LYSMD1: variants seen among roughly 807,000 people sequenced by gnomAD.
LYSMD1 encodes the protein LysM domain containing 1.
In LYSMD1, 9 loss-of-function variants were observed where a neutral mutation model predicts 19.3. The ratio of observed to expected loss-of-function variants is 0.47; its 90% CI spans 0.28 to 0.81. The LOEUF is 0.81. Among genes scored for constraint, LYSMD1 ranks in the 40% least tolerant of loss-of-function variants. The probability of loss-of-function intolerance (pLI) is 0.11; values close to 1 mark genes in which losing one functional copy is unlikely to be tolerated. For synonymous variants in LYSMD1, 111 were observed against 111.7 expected (o/e 0.99, Z 0.04); for missense variants, 262 against 279.8 (o/e 0.94, Z 0.45).
chr1:151,164,900 C>T lies in LYSMD1; in HGVS notation c.180+179G>A, dbSNP rs1158661097. On this transcript the variant is annotated intron_variant, in intron 1 of 2. Coordinates refer to ENST00000368908, the MANE Select transcript of LYSMD1 (RefSeq NM_212551.5). The stretch of plus-strand genomic sequence containing the variant: ...TAATAAAATAGGAGCTGTTCCTCTC[C>T]GTTGGAATAGTAGGGCAGGACTTGT... Among the ~76,000 whole-genome samples, 3 of 152,172 alleles carry T rather than the reference C, an allele frequency of 2.0e-5. No individual in the cohort carries two copies. In the South Asian group the frequency reaches 6.2e-4, roughly 31 times the overall value.
In LYSMD1 at chr1:151,160,724, C is replaced by T; in HGVS notation, c.*158G>A. 1 of 858,460 alleles carries T rather than the reference C, an allele frequency of 1.2e-6. No individual in the cohort carries two copies. Among genetic ancestry groups the T allele is most frequent in the Non-Finnish European group, 1.7e-6 (1 of 571,712 alleles). The allele number at this position is 858,460 out of a possible 1,614,324, so 53.2% of individuals were successfully genotyped here. A position where few individuals can be genotyped will look rare whatever the true frequency, so the allele number is the denominator to read the frequency against. ...CCTAATCTTGCCAATAAAACTGCCCCAGGCCAAGGAATTTTTGGCAGACAA... is the reference window on the plus strand; with the variant it reads ...CCTAATCTTGCCAATAAAACTGCCCTAGGCCAAGGAATTTTTGGCAGACAA... On this transcript the variant is annotated 3_prime_UTR_variant, in exon 3 of 3. Transcript: ENST00000368908.
rs1314929491 is a variant in LYSMD1 at position 151,160,809 on chromosome 1, C to A, written c.*73G>T. The A allele has an allele frequency of 6.5e-7, 1 of 1,535,852 alleles. No individual in the cohort carries two copies. The highest frequency in any genetic ancestry group is 8.9e-7 in the Non-Finnish European group (1 of 1,122,494). On this transcript the variant is annotated 3_prime_UTR_variant, in exon 3 of 3. Coordinates refer to ENST00000368908, the MANE Select transcript of LYSMD1 (RefSeq NM_212551.5). ...CAGGCTCATAAGCCATGTTCTTGAG[C>A]CTCACCTCAGGCTCCTCTCCCCCTG... is the stretch of plus-strand genomic sequence containing the variant.
intron 2 of LYSMD1, 90 bp downstream of exon 2, chr1:151,161,646 T>C: frequency 6.6e-7 from 1 of 1,510,174 alleles, no homozygotes. Context: ...CTGTTGGCAC[T>C]GTCCTTACTT....
the LYSMD1 span, among the ~76,000 whole-genome samples, chr1:151,152,172 C>T: frequency 6.6e-6 from 1 of 151,350 alleles, no homozygotes; most frequent in Non-Finnish European, 1.5e-5. Flanking sequence ...CCAAGGCAGG[C>T]GAATCATGAG....
chr1:151,165,779 G>C lies in LYSMD1; in HGVS notation c.-521C>G. On this transcript the variant is annotated 5_prime_UTR_variant, in exon 1 of 3. Transcript: ENST00000368908. Reference sequence around the variant, plus strand: ...TCAGAGATCCTCAAAGGTCCGCTCCGCATAAGATAGGTCACACCCTCAAAT... The same window carrying C: ...TCAGAGATCCTCAAAGGTCCGCTCCCCATAAGATAGGTCACACCCTCAAAT... 6.4e-7 allele frequency: 1 copy of C among 1,551,420 alleles called. No individual in the cohort carries two copies. Among genetic ancestry groups the C allele is most frequent in the Non-Finnish European group, 8.7e-7 (1 of 1,146,706 alleles).
chr1:151,162,488 A>T (rs926848160), intron 1 of LYSMD1, among the ~76,000 whole-genome samples: 3 of 152,146 alleles, frequency 2.0e-5, no homozygotes, highest in African/African-American at 7.2e-5. Context: ...AAATGAAGGA[A>T]CTGAGGCTCA....
chr1:151,157,127 G>A (rs1030613278), downstream of LYSMD1, among the ~76,000 whole-genome samples: 17 of 152,128 alleles, frequency 1.1e-4, no homozygotes, highest in Non-Finnish European at 2.4e-4. Context: ...ACGGCAATGG[G>A]GGCAATGGAG....
At position 151,162,024 on chromosome 1, in the gene LYSMD1, A is replaced by T; in HGVS notation, c.257T>A (p.Ile86Asn). Residue 86 changes from isoleucine to asparagine, a missense_variant, in exon 2 of 3, where the codon ATC becomes AAC. By Grantham distance (149) the Ile-to-Asn change is moderately radical. Transcript: ENST00000368908. Reference protein sequence around the residue: ...IFLKKTLYIPILTEPRDLFNG... With the variant: ...IFLKKTLYIPNLTEPRDLFNG... ...GAACAGGTCTCTGGGCTCTGTCAGG[A>T]TGGGGATGTAGAGGGTTTTCTTCAG... The T allele has an allele frequency of 2.5e-6, 4 of 1,613,670 alleles. No individual in the cohort carries two copies. In the South Asian group the frequency reaches 4.4e-5, roughly 18 times the overall value.
downstream of LYSMD1, chr1:151,158,779 C>T: frequency 1.2e-6 from 2 of 1,614,056 alleles, no homozygotes; most frequent in South Asian, 1.1e-5. Context: ...CTCTGTGGCT[C>T]ATCTCTTCAT....
At position 151,161,965 on chromosome 1, in the gene LYSMD1, C is replaced by G; in HGVS notation, c.316G>C (p.Glu106Gln). Residue 106 changes from glutamate to glutamine, a missense_variant, in exon 2 of 3, where the codon GAG becomes CAG. Transcript: ENST00000368908. ...CTGTTACTTGGGTGTACTTTTTCCTCTCCATCTTTCTCTTCCTCAGAGTCC... is the reference window on the plus strand; with the variant it reads ...CTGTTACTTGGGTGTACTTTTTCCTGTCCATCTTTCTCTTCCTCAGAGTCC... ...GLDSEEEKDG[E>Q]EKVHPSNSEV... The G allele has an allele frequency of 6.2e-7, 1 of 1,614,142 alleles. No individual in the cohort carries two copies. The highest frequency in any genetic ancestry group is 1.1e-5 in the South Asian group (1 of 91,088).
chr1:151,159,411 C>T (rs1429918875), downstream of LYSMD1: 3 of 743,572 alleles, frequency 4.0e-6, no homozygotes, highest in East Asian at 8.2e-5. Context: ...AGCCCACCCC[C>T]AAACAGCTAG....
chr1:151,151,909 A>G, the LYSMD1 span, among the ~76,000 whole-genome samples: 1 of 151,296 alleles, frequency 6.6e-6, no homozygotes, highest in African/African-American at 2.4e-5. Context: ...GGCCTGAGCA[A>G]CAAGAGCGAA....
chr1:151,151,692 G>A, the LYSMD1 span, among the ~76,000 whole-genome samples: 1 of 151,746 alleles, frequency 6.6e-6, no homozygotes, highest in Non-Finnish European at 1.5e-5. Flanking sequence ...CACTTTGGGA[G>A]GCTAAGGTGG....
chr1:151,162,887 A>G (rs1397461039), intron 1 of LYSMD1, among the ~76,000 whole-genome samples: 2 of 152,108 alleles, frequency 1.3e-5, no homozygotes, highest in Admixed American at 6.6e-5. Flanking sequence ...TCCTCGCTCT[A>G]TTTCTACTCA....
rs397951005 is a variant in LYSMD1 at position 151,160,255 on chromosome 1, A to AAAAAAAAC, written c.*626_*627insGTTTTTTT. On this transcript the variant is annotated 3_prime_UTR_variant, in exon 3 of 3. Coordinates refer to ENST00000368908, the MANE Select transcript of LYSMD1 (RefSeq NM_212551.5). ...TGGGGTACCAAAAAAAAAAAAAAAA[A>AAAAAAAAC]GAATCAGCCCAAATCTGTCACTTTG... 1 of 147,780 alleles carries AAAAAAAAC rather than the reference A, an allele frequency of 6.8e-6. No homozygotes were observed. The allele number at this position is 147,780 out of a possible 1,614,324, so 9.2% of individuals were successfully genotyped here.
the LYSMD1 span, among the ~76,000 whole-genome samples, chr1:151,151,237 G>A: frequency 6.6e-5 from 10 of 151,910 alleles, no homozygotes; most frequent in South Asian, 1.5e-3. Context: ...TGTCACCTAG[G>A]CTAGAGTGCA....
At chr1:151,152,205 G>A in the LYSMD1 span, among the ~76,000 whole-genome samples, 4 of 152,132 alleles carry the variant, frequency 2.6e-5, no homozygotes, top group Admixed American at 2.6e-4. Flanking sequence ...AGACCATCCT[G>A]GCTAACATGG....
chr1:151,150,404 G>T, the LYSMD1 span, among the ~76,000 whole-genome samples: 2 of 152,050 alleles, frequency 1.3e-5, no homozygotes, highest in African/African-American at 4.8e-5. Context: ...TCATAACTAA[G>T]CTTCTAGAGT....
Position 151,165,633 on chromosome 1 carries a change from A to C in LYSMD1, c.-375T>G, listed in dbSNP as rs1683657214. On this transcript the variant is annotated 5_prime_UTR_variant, in exon 1 of 3. Transcript: ENST00000368908. The stretch of plus-strand genomic sequence containing the variant: ...TGGCCTCAGGGCGCTCCAACATCCC[A>C]GCTCTCCCCGGTCCCGGGGTTTGTT... The C allele has an allele frequency of 6.5e-7, 1 of 1,542,470 alleles. No homozygotes were observed. Among genetic ancestry groups the C allele is most frequent in the African/African-American group, 1.4e-5 (1 of 72,940 alleles).
Sources: allele counts gnomAD v4.1 joint callset (sites outside exome capture counted in the v4.1 genomes callset), GRCh38; gene constraint gnomAD v4.1.1; transcripts MANE v1.5; gene names NCBI Gene and HGNC (gene_info 2026-07-23, HGNC 2026-07-21).